PAK4: variants seen among roughly 807,000 people sequenced by gnomAD.
The protein encoded by PAK4 is serine/threonine-protein kinase PAK 4.
PAK4 carries 49 observed loss-of-function variants against 53.5 expected under a neutral mutation model. The ratio of observed to expected loss-of-function variants is 0.92; its 90% CI spans 0.73 to 1.16. The LOEUF (loss-of-function observed/expected upper bound fraction) is 1.16. PAK4 is among the 50% of genes most tolerant of loss of function. The pLI, the probability that PAK4 is intolerant of heterozygous loss-of-function variation, is 0.00. For missense variants in PAK4, 824 were observed against 850.7 expected, an observed-to-expected ratio of 0.97 and a Z score of 0.39; for synonymous variants, 376 against 375.6, an observed-to-expected ratio of 1.00 and a Z score of -0.01.
chr19:39,138,547 TTTCCCAGGGTAG>T (rs2073859046), intron 1 of PAK4, among the ~76,000 whole-genome samples: 1 of 152,224 alleles, frequency 6.6e-6, no homozygotes, highest in African/African-American at 2.4e-5. Flanking sequence ...TTGTGGGGTT[TTTCCCAGGGTAG>T]TTCATGATGT....
At chr19:39,148,746 CA>C (rs1160774049) in intron 1 of PAK4, among the ~76,000 whole-genome samples, 1 of 151,468 alleles carries the variant, frequency 6.6e-6, no homozygotes, top group Non-Finnish European at 1.5e-5. Context: ...TGAGCCACCA[CA>C]CCCTGCCTGC....
At chr19:39,170,006 C>T (rs1207368823) in intron 2 of PAK4, among the ~76,000 whole-genome samples, 2 of 152,178 alleles carry the variant, frequency 1.3e-5, no homozygotes, top group African/African-American at 4.8e-5. Flanking sequence ...AGCCCCCACA[C>T]CAGCCTCCAA....
chr19:39,175,026 G>A lies in PAK4; in HGVS notation c.1194G>A (p.Leu398=), dbSNP rs762547953. ...AGCTCTGGGTGGTCATGGAGTTCCTGGAAGGAGGCGCCCTCACCGACATCG... is the reference window on the plus strand; with the variant it reads ...AGCTCTGGGTGGTCATGGAGTTCCTAGAAGGAGGCGCCCTCACCGACATCG... Residue 398 remains leucine, a synonymous_variant, in exon 5 of 9, where the codon CTG becomes CTA. Transcript: ENST00000358301. This position sits in a 1 kb window ranked among gnomAD's most constrained non-coding sequence, Gnocchi z 4.7. 8.1e-6 allele frequency: 13 copies of A among 1,613,562 alleles called. No homozygotes were observed. Among genetic ancestry groups the A allele is most frequent in the Non-Finnish European group, 1.1e-5 (13 of 1,179,866 alleles).
intron 2 of PAK4, among the ~76,000 whole-genome samples, chr19:39,171,246 G>A (rs1303240782): frequency 2.9e-5 from 4 of 135,902 alleles, no homozygotes; most frequent in Admixed American, 8.3e-5. Context: ...TTCCTGCTCT[G>A]TCTCCCTGGC....
At chr19:39,162,064 A>T (rs2074293888) in intron 1 of PAK4, among the ~76,000 whole-genome samples, 1 of 152,038 alleles carries the variant, frequency 6.6e-6, no homozygotes, top group African/African-American at 2.4e-5. Context: ...GGTTCAAGCG[A>T]TTCTCCTGCC....
Position 39,173,737 on chromosome 19 carries a change from C to G in PAK4, c.825C>G (p.Ala275=), listed in dbSNP as rs1372412773. ...CAGAGCCCCAGCTGGCCCCTCCAGC[C>G]TGCACCCCCGCCGCCCCTGCTGTTC... The change falls in exon 4 of 9, where the codon GCC becomes GCG. Residue 275 remains alanine (A), a synonymous_variant. Coordinates refer to ENST00000358301, the Ensembl canonical transcript of PAK4. The surrounding 1 kb of genome is among the most constrained non-coding windows in gnomAD (Gnocchi z 6.9). 4 of 1,576,986 alleles carry G rather than the reference C, an allele frequency of 2.5e-6. No individual in the cohort carries two copies. The highest frequency in any genetic ancestry group is 2.6e-6 in the Non-Finnish European group (3 of 1,164,236).
intron 1 of PAK4, among the ~76,000 whole-genome samples, chr19:39,158,593 T>G (rs1327960981): frequency 6.6e-6 from 1 of 152,212 alleles, no homozygotes; most frequent in African/African-American, 2.4e-5. Context: ...CAGTGCCCTT[T>G]GTGTCTGTGC....
exon 2 of PAK4, chr19:39,169,720 C>A (rs759016455): frequency 6.2e-7 from 1 of 1,610,044 alleles, no homozygotes. Flanking sequence ...CTCGTCGACC[C>A]CGCCTGCATC....
chr19:39,147,907 TC>T, intron 1 of PAK4, among the ~76,000 whole-genome samples: 1 of 148,966 alleles, frequency 6.7e-6, no homozygotes, highest in Admixed American at 6.7e-5. Context: ...TTTTTTTTTT[TC>T]TTAGCCCCAC....
chr19:39,149,549 G>A (rs967575518), intron 1 of PAK4, among the ~76,000 whole-genome samples: 8 of 151,962 alleles, frequency 5.3e-5, no homozygotes, highest in African/African-American at 9.7e-5. Flanking sequence ...AGTGAGACCC[G>A]GTCTCTTTTA....
chr19:39,168,995 C>T (rs538959978), intron 1 of PAK4, among the ~76,000 whole-genome samples: 1 of 152,206 alleles, frequency 6.6e-6, no homozygotes, highest in Non-Finnish European at 1.5e-5. Context: ...CACTGACACT[C>T]TAGCGGTGCG....
At chr19:39,130,309 C>T (rs1385763438) in intron 1 of PAK4, among the ~76,000 whole-genome samples, 3 of 148,776 alleles carry the variant, frequency 2.0e-5, no homozygotes, top group Non-Finnish European at 4.5e-5. Flanking sequence ...TGGGGAAACC[C>T]AGGCAGAGGG....
chr19:39,176,118 G>T (rs534013468), intron 6 of PAK4, among the ~76,000 whole-genome samples: 39 of 152,322 alleles, frequency 2.6e-4, no homozygotes, highest in African/African-American at 8.9e-4. Flanking sequence ...CTCAAAAATC[G>T]GAAAGGGACC....
chr19:39,165,432 G>A (rs562872828), intron 1 of PAK4, among the ~76,000 whole-genome samples: 9 of 149,808 alleles, frequency 6.0e-5, no homozygotes, highest in East Asian at 2.0e-4. Context: ...GGAGAATGGC[G>A]CAAACCCGGG....
At chr19:39,145,782 T>C (rs1345681039) in intron 1 of PAK4, among the ~76,000 whole-genome samples, 2 of 151,968 alleles carry the variant, frequency 1.3e-5, no homozygotes, top group Non-Finnish European at 2.9e-5. Context: ...CATACTGCCC[T>C]CCCCCTGCGC....
At chr19:39,152,825 T>C (rs1448677478) in intron 1 of PAK4, among the ~76,000 whole-genome samples, 1 of 152,190 alleles carries the variant, frequency 6.6e-6, no homozygotes, top group African/African-American at 2.4e-5. Context: ...TAAGGGGAAC[T>C]GCTGTATATA....
intron 7 of PAK4, 141 bp downstream of exon 8, chr19:39,176,856 A>G (rs934846426): frequency 1.0e-6 from 1 of 965,346 alleles, no homozygotes; most frequent in Admixed American, 2.5e-5. Flanking sequence ...TACTGCAGGC[A>G]TGCATGTATT....
chr19:39,180,940 C>T (rs2074693868), downstream of PAK4: 2 of 152,238 alleles, frequency 1.3e-5, no homozygotes, highest in African/African-American at 4.8e-5. Flanking sequence ...GCACTGAGAA[C>T]AGCTAGCTCT....
rs971245416 is a variant in PAK4 at position 39,178,236 on chromosome 19, G to T, written c.1621-188G>T. On this transcript the variant is annotated intron_variant, in intron 8 of 8. Coordinates refer to ENST00000358301, the Ensembl canonical transcript of PAK4. The surrounding 1 kb of genome is among the most constrained non-coding windows in gnomAD (Gnocchi z 4.4). ...CTTCCTCTGGGGCCACATAGTAAGCGCCATCACAGGTGCCATCACTGTCCC... is the reference window on the plus strand; with the variant it reads ...CTTCCTCTGGGGCCACATAGTAAGCTCCATCACAGGTGCCATCACTGTCCC... 6.6e-6 allele frequency among the ~76,000 whole-genome samples: 1 copy of T among 152,018 alleles called. No homozygotes were observed. Among genetic ancestry groups the T allele is most frequent in the Non-Finnish European group, 1.5e-5 (1 of 67,976 alleles).
Sources: allele counts gnomAD v4.1 joint callset (sites outside exome capture counted in the v4.1 genomes callset), GRCh38; gene constraint gnomAD v4.1.1; non-coding constraint Gnocchi (gnomAD v3.1); transcripts MANE v1.5; gene names NCBI Gene and HGNC (gene_info 2026-07-23, HGNC 2026-07-21).